Variants in CFDP1 observed in about 807,000 individuals in gnomAD.
CFDP1 encodes the protein heterochromatin-stabilizing protein CFDP1.
CFDP1 carries 31 observed loss-of-function variants against 40.1 expected under a neutral mutation model. That is an observed-to-expected ratio of 0.77 (90% CI 0.58 to 1.04). The LOEUF (loss-of-function observed/expected upper bound fraction) is 1.04. Among genes scored for constraint, CFDP1 ranks in the 50% least tolerant of loss-of-function variants. CFDP1 has a pLI of 0.00. For synonymous variants in CFDP1, 167 were observed against 120.0 expected (o/e 1.39, Z -2.56); for missense variants, 423 against 343.4 (o/e 1.23, Z -1.83).
intron 5 of CFDP1, among the ~76,000 whole-genome samples, chr16:75,390,818 A>T (rs1008040278): frequency 6.6e-6 from 1 of 152,158 alleles, no homozygotes; most frequent in Non-Finnish European, 1.5e-5. Flanking sequence ...CCTGCCATTA[A>T]CTGCTCCCAC....
chr16:75,316,047 G>A (rs1462141670), intron 5 of CFDP1, among the ~76,000 whole-genome samples: 1 of 152,140 alleles, frequency 6.6e-6, no homozygotes, highest in Non-Finnish European at 1.5e-5. Context: ...TTGACCTATA[G>A]AATGTTGCTC....
chr16:75,319,645 T>C (rs893499654), intron 5 of CFDP1, among the ~76,000 whole-genome samples: 3 of 152,144 alleles, frequency 2.0e-5, no homozygotes, highest in African/African-American at 7.2e-5. Context: ...CTAATATCAA[T>C]GGGAAAACTT....
intron 5 of CFDP1, among the ~76,000 whole-genome samples, chr16:75,362,124 A>G (rs1339560086): frequency 3.3e-5 from 5 of 152,244 alleles, no homozygotes; most frequent in East Asian, 3.8e-4. Context: ...AAATTGGGTA[A>G]TAAGTCAGAC....
chr16:75,419,870 C>T (rs2079256995), intron 1 of CFDP1, among the ~76,000 whole-genome samples: 1 of 152,036 alleles, frequency 6.6e-6, no homozygotes, highest in South Asian at 2.1e-4. Flanking sequence ...AACCAGCAGC[C>T]CTTGGGTCTG....
At chr16:75,425,608 A>G (rs1330071581) in intron 1 of CFDP1, among the ~76,000 whole-genome samples, 3 of 152,036 alleles carry the variant, frequency 2.0e-5, no homozygotes, top group Admixed American at 6.6e-5. Flanking sequence ...TCGATGGAGA[A>G]AGAATAATCT....
intron 5 of CFDP1, among the ~76,000 whole-genome samples, chr16:75,312,977 G>A (rs2078303692): frequency 6.6e-6 from 1 of 152,146 alleles, no homozygotes; most frequent in South Asian, 2.1e-4. Context: ...TTTTCTCTGG[G>A]ACAAGCTAAC....
At chr16:75,310,973 C>A (rs2078289944) in intron 5 of CFDP1, among the ~76,000 whole-genome samples, 1 of 152,156 alleles carries the variant, frequency 6.6e-6, no homozygotes, top group Non-Finnish European at 1.5e-5. Flanking sequence ...AGACACTGTG[C>A]TCAGAATGGG....
At chr16:75,334,791 C>T (rs1301824083) in intron 5 of CFDP1, among the ~76,000 whole-genome samples, 2 of 151,994 alleles carry the variant, frequency 1.3e-5, no homozygotes, top group African/African-American at 4.8e-5. Context: ...CCAGTCTCTA[C>T]TAAAAACACA....
intron 5 of CFDP1, among the ~76,000 whole-genome samples, chr16:75,385,346 T>G (rs372226572): frequency 6.6e-6 from 1 of 152,064 alleles, no homozygotes; most frequent in African/African-American, 2.4e-5. Flanking sequence ...CAATTAACAA[T>G]TGGAAAGGCA....
intron 5 of CFDP1, among the ~76,000 whole-genome samples, chr16:75,308,397 A>G (rs1384852097): frequency 6.6e-6 from 1 of 152,088 alleles, no homozygotes; most frequent in Non-Finnish European, 1.5e-5. Context: ...TGCACTCAAA[A>G]TCCTTGTCTT....
At chr16:75,426,185 T>C (rs974529927) in intron 1 of CFDP1, among the ~76,000 whole-genome samples, 1 of 148,168 alleles carries the variant, frequency 6.7e-6, no homozygotes, top group Non-Finnish European at 1.5e-5. Context: ...ACCCTGTCTC[T>C]ACTAAAAATA....
At chr16:75,309,596 G>A (rs192548682) in intron 5 of CFDP1, among the ~76,000 whole-genome samples, 9 of 152,106 alleles carry the variant, frequency 5.9e-5, no homozygotes, top group South Asian at 2.1e-4. Flanking sequence ...CGAGGCGGGC[G>A]GATCACAAGG....
intron 1 of CFDP1, among the ~76,000 whole-genome samples, chr16:75,417,703 T>C (rs1341373086): frequency 6.6e-6 from 1 of 151,860 alleles, no homozygotes; most frequent in African/African-American, 2.4e-5. Context: ...TTTGAATAAA[T>C]AAACATAACT....
chr16:75,370,995 T>C (rs1466657548), intron 5 of CFDP1, among the ~76,000 whole-genome samples: 1 of 152,224 alleles, frequency 6.6e-6, no homozygotes, highest in African/African-American at 2.4e-5. Flanking sequence ...TTATCAAATA[T>C]GCCCTATATG....
intron 5 of CFDP1, among the ~76,000 whole-genome samples, chr16:75,351,837 G>A (rs3863446): frequency 0.52 from 78,060 of 150,412 alleles, 21,259 homozygotes; most frequent in Admixed American, 0.64. Flanking sequence ...GTGAAACCCC[G>A]TCCCTATTAA....
chr16:75,297,564 C>T (rs2078192745), intron 6 of CFDP1, among the ~76,000 whole-genome samples: 1 of 152,072 alleles, frequency 6.6e-6, no homozygotes, highest in Non-Finnish European at 1.5e-5. Context: ...TTGATGTGTC[C>T]GGGTGCTTTT....
chr16:75,409,208 A>G (rs959198572), intron 4 of CFDP1: 3 of 152,146 alleles, frequency 2.0e-5, no homozygotes, highest in African/African-American at 7.2e-5. Flanking sequence ...TTCCCTGTAT[A>G]TTAACACTTC....
intron 5 of CFDP1, chr16:75,394,576 G>A (rs468079): frequency 0.18 from 26,694 of 149,854 alleles, 2,540 homozygotes; most frequent in East Asian, 0.39. Context: ...AAATTTACAC[G>A]TTCAGCTTTG....
intron 5 of CFDP1, among the ~76,000 whole-genome samples, chr16:75,384,863 T>TATATAC (rs2078880581): frequency 4.6e-5 from 1 of 21,816 alleles, no homozygotes; most frequent in Non-Finnish European, 1.2e-4. Flanking sequence ...TATATATATA[T>TATATAC]ATATATATAT....
Sources: allele counts gnomAD v4.1 joint callset (sites outside exome capture counted in the v4.1 genomes callset), GRCh38; gene constraint gnomAD v4.1.1; transcripts MANE v1.5; gene names NCBI Gene and HGNC (gene_info 2026-07-23, HGNC 2026-07-21).